Variants in PRDX4 observed in about 807,000 individuals in gnomAD.
The protein encoded by PRDX4 is peroxiredoxin 4.
In PRDX4, 12 loss-of-function variants were observed where a neutral mutation model predicts 20.5. The ratio of observed to expected loss-of-function variants is 0.58; its 90% CI spans 0.37 to 0.95. The LOEUF (loss-of-function observed/expected upper bound fraction) is 0.95, where lower values mean the gene tolerates loss of function less well. Among genes scored for constraint, PRDX4 ranks in the 40% least tolerant of loss-of-function variants. PRDX4 has a pLI of 0.01. For synonymous variants in PRDX4, 99 were observed against 87.5 expected (o/e 1.13, Z -0.73); for missense variants, 180 against 207.3 (o/e 0.87, Z 0.81).
At chrX:23,681,011 C>T (rs1156428764) in intron 4 of PRDX4, among the ~76,000 whole-genome samples, 1 of 111,656 alleles carries the variant, frequency 9.0e-6, no homozygotes, top group African/African-American at 3.3e-5. Context: ...AGGCGGATCA[C>T]GAGGTCAGGA....
At chrX:23,680,315 A>AC (rs1259698853) in intron 4 of PRDX4, among the ~76,000 whole-genome samples, 3 of 112,160 alleles carry the variant, frequency 2.7e-5, no homozygotes, top group African/African-American at 9.7e-5. Flanking sequence ...CAAGTGTCAT[A>AC]CTACTTAGCA....
intron 3 of PRDX4, chrX:23,675,566 A>T (rs1205594234): frequency 8.5e-6 from 1 of 117,001 alleles, no homozygotes; most frequent in East Asian, 2.6e-4. Context: ...CATTAATCAT[A>T]AAAAGATGTT....
In PRDX4 at chrX:23,686,307, A is replaced by G. The variant is rs1239655086; in HGVS notation, c.788A>G (p.Lys263Arg). 5.1e-6 allele frequency: 6 copies of G among 1,177,233 alleles called. No individual in the cohort carries two copies. Among genetic ancestry groups the G allele is most frequent in the Non-Finnish European group, 6.8e-6 (6 of 876,729 alleles). Residue 263 changes from lysine (K) to arginine (R), a missense_variant, in exon 7 of 7, where the codon AAG (lysine) becomes AGG (arginine). Physicochemically the swap from Lys to Arg is conservative, Grantham distance 26. Around this residue, in one of 3 missense-constraint regions of PRDX4, gnomAD observed 73 missense variants for 76.5 expected, o/e 0.95. Coordinates refer to ENST00000379341, the MANE Select transcript of PRDX4 (RefSeq NM_006406.2). ...SETIIPDPAG[K>R]LKYFDKLN ...CAGATAATCCCAGATCCAGCTGGAAAGCTGAAGTATTTCGATAAACTGAAT... is the reference window on the plus strand; with the variant it reads ...CAGATAATCCCAGATCCAGCTGGAAGGCTGAAGTATTTCGATAAACTGAAT...
intron 1 of PRDX4, among the ~76,000 whole-genome samples, chrX:23,668,817 TTGG>T (rs1927782892): frequency 1.5e-4 from 1 of 6,795 alleles, no homozygotes; most frequent in African/African-American, 2.6e-4. Flanking sequence ...TTAGGATGGG[TTGG>T]TTGGGAGTGA....
intron 2 of PRDX4, 115 bp from the exon 3 acceptor site, chrX:23,674,875 A>G (rs1278780058): frequency 1.0e-6 from 1 of 973,724 alleles, no homozygotes; most frequent in Non-Finnish European, 1.4e-6. Context: ...CAAATATAAA[A>G]TTGTTCTTAA....
chrX:23,671,484 C>A lies in PRDX4; in HGVS notation c.242-45C>A, dbSNP rs758611998. 15 of 1,010,557 alleles carry A rather than the reference C, an allele frequency of 1.5e-5. No individual in the cohort carries two copies. The South Asian group carries it at 3.1e-4, about 21-fold the overall frequency. 83.3% of individuals were successfully genotyped at this position (1,010,557 alleles called of 1,213,427 possible). ...TAAAGATGTCCTTCTACCATTCCAC[C>A]AACTTTCTCAGTGTTACAGAACATC... On this transcript the variant is annotated intron_variant, in intron 1 of 6. Coordinates refer to ENST00000379341, the MANE Select transcript of PRDX4 (RefSeq NM_006406.2).
chrX:23,685,151 G>A (rs959326327), intron 6 of PRDX4, among the ~76,000 whole-genome samples: 38 of 111,710 alleles, frequency 3.4e-4, no homozygotes, highest in Middle Eastern at 4.2e-3. Context: ...CGAAATGTCC[G>A]GTACTCATCC....
At chrX:23,677,106 A>G (rs1368187855) in intron 3 of PRDX4, among the ~76,000 whole-genome samples, 1 of 111,605 alleles carries the variant, frequency 9.0e-6, no homozygotes, top group East Asian at 2.8e-4. Context: ...CATATCCACT[A>G]AGGAAAAAGT....
chrX:23,679,027 A>C (rs1928006540), intron 3 of PRDX4, 138 bp from the exon 4 acceptor site: 1 of 614,608 alleles, frequency 1.6e-6, no homozygotes, highest in Non-Finnish European at 2.5e-6. Context: ...AAGAAAATAG[A>C]AAGTATATTA....
intron 3 of PRDX4, among the ~76,000 whole-genome samples, chrX:23,678,074 C>T (rs1000802169): frequency 1.1e-4 from 12 of 110,713 alleles, no homozygotes; most frequent in Admixed American, 5.8e-4. Flanking sequence ...TGAGACCAGC[C>T]TGGCCAACGT....
intron 6 of PRDX4, 127 bp downstream of exon 6, chrX:23,683,832 C>A: frequency 2.3e-6 from 1 of 436,140 alleles, no homozygotes; most frequent in Non-Finnish European, 3.7e-6. Flanking sequence ...ATCACGAGGT[C>A]AGGAGATGGA....
chrX:23,671,843 T>C (rs1458171790), intron 2 of PRDX4, among the ~76,000 whole-genome samples, 197 bp downstream of exon 2: 1 of 112,370 alleles, frequency 8.9e-6, no homozygotes, highest in Non-Finnish European at 1.9e-5. Context: ...GTCTACATGA[T>C]TATGTTATAA....
intron 2 of PRDX4, among the ~76,000 whole-genome samples, chrX:23,672,008 A>G (rs934301592): frequency 8.9e-6 from 1 of 112,379 alleles, no homozygotes; most frequent in East Asian, 2.8e-4. Context: ...TAATTCTGTA[A>G]TCCCAGCACT....
intron 2 of PRDX4, among the ~76,000 whole-genome samples, chrX:23,674,475 C>G (rs1051546437): frequency 1.8e-5 from 2 of 109,552 alleles, no homozygotes; most frequent in African/African-American, 3.3e-5. Context: ...CTGCACAGGA[C>G]TGGTAGACAA....
chrX:23,679,699 C>A (rs754793762), intron 4 of PRDX4, among the ~76,000 whole-genome samples: 1 of 104,840 alleles, frequency 9.5e-6, no homozygotes. Flanking sequence ...AAATAATTGG[C>A]TGGGCATGGT....
At chrX:23,681,967 A>G (rs1183742887) in intron 4 of PRDX4, among the ~76,000 whole-genome samples, 1 of 111,990 alleles carries the variant, frequency 8.9e-6, no homozygotes, top group Non-Finnish European at 1.9e-5. Flanking sequence ...CTTGAGCCCA[A>G]GAGGTTGAGG....
intron 4 of PRDX4, 58 bp from the exon 5 acceptor site, chrX:23,682,338 T>A: frequency 1.0e-6 from 1 of 977,524 alleles, no homozygotes; most frequent in Non-Finnish European, 1.4e-6. Flanking sequence ...GGTATAGGAA[T>A]TCACAATACA....
At chrX:23,676,647 C>T (rs1447695080) in intron 3 of PRDX4, among the ~76,000 whole-genome samples, 1 of 108,655 alleles carries the variant, frequency 9.2e-6, no homozygotes, top group South Asian at 4.1e-4. Context: ...AAAAAATTAG[C>T]CAGGTCTGGT....
Position 23,671,607 on chromosome X carries a change from G to A in PRDX4, c.320G>A (p.Arg107His), listed in dbSNP as rs775157258. 6.6e-6 allele frequency: 8 copies of A among 1,204,084 alleles called. No individual in the cohort carries two copies. The highest frequency in any genetic ancestry group is 2.2e-5 in the Admixed American group (1 of 44,748). Residue 107 changes from arginine to histidine, a missense_variant, in exon 2 of 7, where the codon CGT (arginine) becomes CAT (histidine). This residue lies in a region of PRDX4 where 105 missense variants were observed against 114.2 expected (regional missense o/e 0.92). Coordinates refer to ENST00000379341, the MANE Select transcript of PRDX4 (RefSeq NM_006406.2). ...AAGGAGCTGAAGTTAACTGATTATC[G>A]TGGGAAATACTTGGTTTTCTTCTTC... ...EFKELKLTDY[R>H]GKYLVFFFYP...
Sources: allele counts gnomAD v4.1 joint callset (sites outside exome capture counted in the v4.1 genomes callset), GRCh38; gene constraint gnomAD v4.1.1; regional missense constraint gnomAD v4.1.1; transcripts MANE v1.5; gene names NCBI Gene and HGNC (gene_info 2026-07-23, HGNC 2026-07-21).